Variants in BRCC3 observed in about 807,000 individuals in gnomAD.
BRCC3 encodes lys-63-specific deubiquitinase BRCC36.
A neutral mutation model predicts 28.0 loss-of-function variants in BRCC3; 15 were observed. That is an observed-to-expected ratio of 0.54 (90% CI 0.36 to 0.82). The LOEUF is 0.82. Among genes scored for constraint, BRCC3 ranks in the 40% least tolerant of loss-of-function variants. The pLI is 0.01. For missense variants in BRCC3, 109 were observed against 225.9 expected, an observed-to-expected ratio of 0.48 and a Z score of 3.32; for synonymous variants, 66 against 80.3, an observed-to-expected ratio of 0.82 and a Z score of 0.95.
intron 5 of BRCC3, among the ~76,000 whole-genome samples, chrX:155,087,849 T>C (rs977947366): frequency 1.5e-4 from 17 of 111,905 alleles, no homozygotes; most frequent in African/African-American, 5.5e-4. Flanking sequence ...GGCACAGTAG[T>C]TGTTACCAGT....
chrX:155,084,546 G>A (rs1397398808), intron 5 of BRCC3, among the ~76,000 whole-genome samples: 2 of 111,688 alleles, frequency 1.8e-5, no homozygotes, highest in South Asian at 3.8e-4. Context: ...TGCATTTTTA[G>A]TAGAGATGGG....
At chrX:155,101,174 C>T (rs951093861) in intron 7 of BRCC3, among the ~76,000 whole-genome samples, 4 of 111,995 alleles carry the variant, frequency 3.6e-5, no homozygotes, top group African/African-American at 1.3e-4. Flanking sequence ...ACTGGGACTA[C>T]AGGCATGCAC....
intron 7 of BRCC3, among the ~76,000 whole-genome samples, chrX:155,108,903 A>G (rs936806619): frequency 9.0e-5 from 10 of 111,433 alleles, no homozygotes; most frequent in Admixed American, 1.9e-4. Flanking sequence ...TTTTCGATCT[A>G]GTGCTTTTTA....
intron 7 of BRCC3, among the ~76,000 whole-genome samples, chrX:155,107,853 T>C (rs782210379): frequency 9.0e-6 from 1 of 111,657 alleles, no homozygotes; most frequent in Non-Finnish European, 1.9e-5. Flanking sequence ...CTGTGAGCTC[T>C]AGCATACTCT....
At chrX:155,095,772 G>C (rs2074205708) in intron 7 of BRCC3, among the ~76,000 whole-genome samples, 1 of 111,518 alleles carries the variant, frequency 9.0e-6, no homozygotes, top group South Asian at 3.8e-4. Flanking sequence ...CCCTATACAG[G>C]TGTACTTTTT....
At chrX:155,115,305 G>A (rs1292473201) in intron 7 of BRCC3, among the ~76,000 whole-genome samples, 2 of 111,911 alleles carry the variant, frequency 1.8e-5, no homozygotes, top group Non-Finnish European at 3.8e-5. Flanking sequence ...CTAGGTTGTG[G>A]TATGGGGACT....
intron 7 of BRCC3, among the ~76,000 whole-genome samples, chrX:155,107,838 C>G (rs959618075): frequency 4.5e-5 from 5 of 111,587 alleles, no homozygotes; most frequent in Admixed American, 9.5e-5. Context: ...TGCATACATT[C>G]TGACCTGTGA....
intron 5 of BRCC3, among the ~76,000 whole-genome samples, chrX:155,086,580 A>T (rs1375848895): frequency 9.1e-6 from 1 of 110,154 alleles, no homozygotes; most frequent in African/African-American, 3.3e-5. Flanking sequence ...GCTGGTCTCA[A>T]ACTCATGACC....
chrX:155,096,313 G>A (rs1557296248), intron 7 of BRCC3, among the ~76,000 whole-genome samples: 1 of 112,175 alleles, frequency 8.9e-6, no homozygotes, highest in African/African-American at 3.2e-5. Context: ...TTGGCGTGAT[G>A]AAAATGTTTT....
chrX:155,119,180 A>G (rs929030953), intron 9 of BRCC3, among the ~76,000 whole-genome samples: 7 of 112,286 alleles, frequency 6.2e-5, no homozygotes, highest in Admixed American at 1.9e-4. Context: ...ACCTTTTCAA[A>G]GATTAAATTG....
intron 5 of BRCC3, among the ~76,000 whole-genome samples, chrX:155,088,180 A>G (rs1338557728): frequency 1.8e-5 from 2 of 111,827 alleles, no homozygotes; most frequent in Non-Finnish European, 3.8e-5. Flanking sequence ...GTCAAAATCT[A>G]GATCAAAAAG....
intron 5 of BRCC3, among the ~76,000 whole-genome samples, chrX:155,084,341 C>T (rs186395169): frequency 1.2e-4 from 13 of 111,127 alleles, no homozygotes; most frequent in Admixed American, 8.6e-4. Flanking sequence ...TCTAGCACTA[C>T]GGTGAGTTCT....
At chrX:155,087,802 G>A (rs1251678181) in intron 5 of BRCC3, among the ~76,000 whole-genome samples, 1 of 111,845 alleles carries the variant, frequency 8.9e-6, no homozygotes, top group Non-Finnish European at 1.9e-5. Context: ...ATAAATCATT[G>A]GTGACCTTGA....
Position 155,071,734 on chromosome X carries a change from T to C in BRCC3, c.123+84T>C, listed in dbSNP as rs869312530. ...GGTGGGTGCCGGCAGCTCCCAGGGC[T>C]GCGGAGGCCACAGGCATCCTCGATT... On this transcript the variant is annotated intron_variant, in intron 1 of 10. Coordinates refer to ENST00000330045, the MANE Select transcript of BRCC3 (RefSeq NM_001018055.3). 1.2e-4 allele frequency: 123 copies of C among 1,063,062 alleles called. No homozygotes were observed. The highest frequency in any genetic ancestry group is 1.5e-4 in the Non-Finnish European group (115 of 784,741). 87.6% of individuals were successfully genotyped at this position (1,063,062 alleles called of 1,213,427 possible).
chrX:155,084,150 G>A (rs1379923353), intron 5 of BRCC3, among the ~76,000 whole-genome samples: 2 of 112,318 alleles, frequency 1.8e-5, no homozygotes, highest in South Asian at 3.7e-4. Context: ...TACAGTACAC[G>A]TTTGCAAAAG....
intron 3 of BRCC3, 55 bp from the exon 4 acceptor site, chrX:155,077,115 G>A: frequency 9.5e-7 from 1 of 1,056,401 alleles, no homozygotes; most frequent in Non-Finnish European, 1.3e-6. Flanking sequence ...TAGTTGAAGG[G>A]GGATGTGTTA....
intron 3 of BRCC3, among the ~76,000 whole-genome samples, chrX:155,075,343 T>TCAGGGCCAAAAACGGC: frequency 1.8e-5 from 1 of 55,484 alleles, no homozygotes. Flanking sequence ...TCCCCTTGAT[T>TCAGGGCCAAAAACGGC]CAGGCCAAGA....
chrX:155,104,320 C>G (rs1297364010), intron 7 of BRCC3, among the ~76,000 whole-genome samples: 1 of 111,627 alleles, frequency 9.0e-6, no homozygotes, highest in Non-Finnish European at 1.9e-5. Flanking sequence ...AGTTTTGTTT[C>G]AAGATACTGT....
chrX:155,089,229 G>T (rs1557295310), intron 5 of BRCC3, 34 bp from the exon 6 acceptor site: 1 of 1,013,888 alleles, frequency 9.9e-7, no homozygotes, highest in South Asian at 2.1e-5. Flanking sequence ...ACAGCTTATT[G>T]ACAGAAGATT....
Sources: gnomAD v4.1 joint callset for allele counts (sites outside exome capture counted in the v4.1 genomes callset) on GRCh38, gnomAD v4.1.1 for gene constraint, MANE v1.5 for transcripts, NCBI Gene and HGNC (gene_info 2026-07-23, HGNC 2026-07-21) for gene names.